Variants in FAT3 observed in about 807,000 individuals in gnomAD.
FAT3 encodes FAT atypical cadherin 3.
A neutral mutation model predicts 310.2 loss-of-function variants in FAT3; 95 were observed. That is an observed-to-expected ratio of 0.31 (90% CI 0.26 to 0.36). The LOEUF (loss-of-function observed/expected upper bound fraction) is 0.36. Ranked by LOEUF, FAT3 falls within the 10% of genes least tolerant of loss-of-function variation. The probability of loss-of-function intolerance (pLI) is 1.00; values close to 1 mark genes in which losing one functional copy is unlikely to be tolerated. For missense variants in FAT3, 5,408 were observed against 5,715.6 expected (o/e 0.95, Z 1.74); for synonymous variants, 2,314 against 2,192.9 (o/e 1.06, Z -1.54).
At chr11:92,597,849 C>G (rs1490677892) in intron 3 of FAT3, among the ~76,000 whole-genome samples, 1 of 152,074 alleles carries the variant, frequency 6.6e-6, no homozygotes. Context: ...TACAAAAGTT[C>G]TCATTCATTT....
intron 2 of FAT3, among the ~76,000 whole-genome samples, chr11:92,357,506 C>G (rs904331661): frequency 6.6e-6 from 1 of 152,126 alleles, no homozygotes; most frequent in Non-Finnish European, 1.5e-5. Flanking sequence ...ACTAATGGTG[C>G]TGGTCATTGA....
intron 3 of FAT3, among the ~76,000 whole-genome samples, chr11:92,649,364 A>G (rs1036033839): frequency 3.9e-5 from 6 of 152,218 alleles, no homozygotes; most frequent in African/African-American, 1.4e-4. Context: ...CTTGTACTTT[A>G]TCTGCAACTA....
chr11:92,808,566 T>A (rs1220597352), intron 12 of FAT3, among the ~76,000 whole-genome samples: 5 of 152,120 alleles, frequency 3.3e-5, no homozygotes, highest in Non-Finnish European at 5.9e-5. Context: ...AGGGAAATGA[T>A]CCAACCTGTA....
At chr11:92,814,542 A>C (rs1947770724) in intron 13 of FAT3, among the ~76,000 whole-genome samples, 1 of 152,226 alleles carries the variant, frequency 6.6e-6, no homozygotes, top group Non-Finnish European at 1.5e-5. Flanking sequence ...AATTGGAAAT[A>C]TCTTTGCCCC....
In FAT3 at chr11:92,840,703, C is replaced by A. The variant is rs374761777; in HGVS notation, c.10510C>A (p.Arg3504=). 5 of 1,608,666 alleles carry A rather than the reference C, an allele frequency of 3.1e-6. No individual in the cohort carries two copies. Among genetic ancestry groups the A allele is most frequent in the Admixed American group, 1.7e-5 (1 of 59,914 alleles). ...TGTGTTGGACCCTCATGGGATCTTG[C>A]GGTCGGCTGTGGTCTTCCAGCACAC... is the stretch of plus-strand genomic sequence containing the variant. ...EFVLDPHGIL[R]SAVVFQHTES... The change falls in exon 18 of 28, where the codon CGG becomes AGG. Residue 3504 remains arginine (R), a synonymous_variant. Coordinates refer to ENST00000525166, the MANE Select transcript of FAT3 (RefSeq NM_001367949.2).
chr11:92,850,469 GC>G (rs973948795), intron 19 of FAT3, among the ~76,000 whole-genome samples: 6 of 152,220 alleles, frequency 3.9e-5, no homozygotes, highest in Non-Finnish European at 8.8e-5. Context: ...GCTGAGTCAA[GC>G]AAACACCATC....
At chr11:92,626,321 A>T (rs1941332671) in intron 3 of FAT3, among the ~76,000 whole-genome samples, 1 of 152,218 alleles carries the variant, frequency 6.6e-6, no homozygotes, top group African/African-American at 2.4e-5. Flanking sequence ...TAATTCCCTG[A>T]TTTAATCAGG....
chr11:92,595,395 C>T (rs553641551), intron 3 of FAT3, among the ~76,000 whole-genome samples: 43 of 152,190 alleles, frequency 2.8e-4, no homozygotes, highest in African/African-American at 8.4e-4. Flanking sequence ...ATGTGGGCAA[C>T]GGAACAAAAA....
intron 3 of FAT3, among the ~76,000 whole-genome samples, chr11:92,671,187 T>A (rs993964612): frequency 6.6e-6 from 1 of 151,924 alleles, no homozygotes; most frequent in Admixed American, 6.6e-5. Context: ...TGGGATTACA[T>A]GCATGCACCA....
chr11:92,671,119 A>G (rs1270481414), intron 3 of FAT3, among the ~76,000 whole-genome samples: 1 of 151,606 alleles, frequency 6.6e-6, no homozygotes, highest in South Asian at 2.1e-4. Context: ...ATCTCTGCTC[A>G]CTACAACCTC....
At chr11:92,679,791 G>A (rs565619831) in intron 3 of FAT3, among the ~76,000 whole-genome samples, 110 of 129,284 alleles carry the variant, frequency 8.5e-4, no homozygotes, top group Admixed American at 5.1e-3. Flanking sequence ...GCAGTGAGCC[G>A]AGATTGTGCC....
chr11:92,745,708 A>C (rs541343990), intron 4 of FAT3, among the ~76,000 whole-genome samples: 111 of 152,284 alleles, frequency 7.3e-4, no homozygotes, highest in African/African-American at 2.5e-3. Flanking sequence ...TTGGTCAAGG[A>C]TCTTTCTGAA....
At chr11:92,317,854 T>C (rs952003375) in intron 1 of FAT3, among the ~76,000 whole-genome samples, 13 of 152,170 alleles carry the variant, frequency 8.5e-5, no homozygotes, top group African/African-American at 2.9e-4. Flanking sequence ...CTTTGAAATA[T>C]AGTGCCTTGA....
intron 1 of FAT3, among the ~76,000 whole-genome samples, chr11:92,300,723 AT>A (rs757995433): frequency 3.2e-4 from 48 of 152,042 alleles, no homozygotes; most frequent in Non-Finnish European, 5.7e-4. Context: ...GAGTAGAGAT[AT>A]TGTCTGTCTC....
At chr11:92,387,539 G>A (rs1417336038) in intron 2 of FAT3, among the ~76,000 whole-genome samples, 3 of 152,114 alleles carry the variant, frequency 2.0e-5, no homozygotes, top group African/African-American at 7.2e-5. Context: ...AAGATATTAG[G>A]GAGGGACAGT....
intron 21 of FAT3, among the ~76,000 whole-genome samples, chr11:92,863,003 A>T (rs1332281945): frequency 1.3e-5 from 2 of 152,202 alleles, no homozygotes; most frequent in Non-Finnish European, 2.9e-5. Context: ...CAAAAGAAGA[A>T]ATTCAGAGGG....
At chr11:92,805,379 A>G in intron 11 of FAT3, 30 bp downstream of exon 11, 1 of 1,579,884 alleles carries the variant, frequency 6.3e-7, no homozygotes, top group Non-Finnish European at 8.6e-7. Context: ...TTCTGCTTTT[A>G]CTCTGCTTCT....
At chr11:92,757,151 C>T (rs374212121) in intron 4 of FAT3, among the ~76,000 whole-genome samples, 1 of 151,800 alleles carries the variant, frequency 6.6e-6, no homozygotes, top group African/African-American at 2.4e-5. Flanking sequence ...CTCGAACTCC[C>T]GACCTCAGGT....
At chr11:92,251,733 C>T (rs1865150945) in intron 1 of FAT3, among the ~76,000 whole-genome samples, 1 of 145,530 alleles carries the variant, frequency 6.9e-6, no homozygotes, top group African/African-American at 2.6e-5. Flanking sequence ...CCTACTGTGC[C>T]TACTTCTAGC....
Sources: allele counts gnomAD v4.1 joint callset (sites outside exome capture counted in the v4.1 genomes callset), GRCh38; gene constraint gnomAD v4.1.1; transcripts MANE v1.5; gene names NCBI Gene and HGNC (gene_info 2026-07-23, HGNC 2026-07-21).